The following DHX29 variants were observed in gnomAD, a reference collection of about 807,000 sequenced individuals.
The protein encoded by DHX29 is DExH-box helicase 29.
A neutral mutation model predicts 167.9 loss-of-function variants in DHX29; 79 were observed. The ratio of observed to expected loss-of-function variants is 0.47; its 90% CI spans 0.39 to 0.57. The LOEUF (loss-of-function observed/expected upper bound fraction) is 0.57, where lower values mean the gene tolerates loss of function less well. Among genes scored for constraint, DHX29 ranks in the 20% least tolerant of loss-of-function variants. The pLI is 0.00. For missense variants in DHX29, 1,347 were observed against 1,593.4 expected (o/e 0.85, Z 2.63); for synonymous variants, 530 against 546.0 (o/e 0.97, Z 0.41).
chr5:55,277,648 G>T (rs774181900), intron 12 of DHX29, among the ~76,000 whole-genome samples: 9 of 152,116 alleles, frequency 5.9e-5, no homozygotes, highest in Non-Finnish European at 1.3e-4. Context: ...GCTCATACTT[G>T]TAATCCTAGC....
In DHX29 at chr5:55,262,887, A is replaced by G. The variant is rs1221673308; in HGVS notation, c.3571T>C (p.Ser1191Pro). ...LIKLVKAAGF[S>P]SSTTSTSWEG... is the part of the protein sequence containing the mutation. The stretch of plus-strand genomic sequence containing the variant: ...CAGCTGGTAGAAGTTGTGGAAGATG[A>G]AAATCCTGCTGCCTTAACCAACTTT... Residue 1191 changes from serine (S) to proline (P), a missense_variant, in exon 24 of 27, where the codon TCA becomes CCA. Physicochemically the swap from Ser to Pro is moderately conservative, Grantham distance 74 (BLOSUM62 -1). Coordinates refer to ENST00000251636, the MANE Select transcript of DHX29 (RefSeq NM_019030.4). 4.3e-6 allele frequency: 7 copies of G among 1,614,064 alleles called. No homozygotes were observed. In the South Asian group the frequency reaches 4.4e-5, roughly 10 times the overall value.
chr5:55,266,770 C>G (rs2111809870), intron 23 of DHX29, among the ~76,000 whole-genome samples: 1 of 152,028 alleles, frequency 6.6e-6, no homozygotes, highest in South Asian at 2.1e-4. Flanking sequence ...CGTGTGCTAC[C>G]ATGCCCATTT....
chr5:55,274,521 A>C (rs922278105), intron 16 of DHX29, 93 bp downstream of exon 16: 1 of 933,840 alleles, frequency 1.1e-6, no homozygotes, highest in Non-Finnish European at 1.6e-6. Flanking sequence ...ACCCATGGTG[A>C]AAAGACTTTG....
intron 16 of DHX29, among the ~76,000 whole-genome samples, chr5:55,274,349 G>A (rs1380166370): frequency 1.3e-5 from 2 of 152,032 alleles, no homozygotes; most frequent in Admixed American, 1.3e-4. Flanking sequence ...AGGTGCAATC[G>A]TGCCACTACA....
chr5:55,293,628 C>A (rs1192177378), intron 6 of DHX29, among the ~76,000 whole-genome samples: 1 of 152,002 alleles, frequency 6.6e-6, no homozygotes, highest in Admixed American at 6.6e-5. Context: ...ATTTCCCATA[C>A]CTTGCTTTTT....
Position 55,262,695 on chromosome 5 carries a change from G to C in DHX29, c.3763C>G (p.Gln1255Glu). ...CGATTTACTGAGGATGGGTGTACTT[G>C]TGCTTTGCCTTGGGCCGTCTCCACA... The part of the protein sequence containing the change: ...CIVETAQGKA[Q>E]VHPSSVNRDL... Residue 1255 changes from glutamine to glutamate, a missense_variant, in exon 24 of 27, where the codon CAA (glutamine) becomes GAA (glutamate). Physicochemically the swap from Gln to Glu is conservative, Grantham distance 29. Around this residue, in one of 3 missense-constraint regions of DHX29, gnomAD observed 882 missense variants for 1,082.4 expected, o/e 0.81. Coordinates refer to ENST00000251636, the MANE Select transcript of DHX29 (RefSeq NM_019030.4). 3 of 1,614,074 alleles carry C rather than the reference G, an allele frequency of 1.9e-6. No individual in the cohort carries two copies. The highest frequency in any genetic ancestry group is 2.5e-6 in the Non-Finnish European group (3 of 1,179,982).
At chr5:55,264,689 A>G (rs1383103065) in intron 23 of DHX29, among the ~76,000 whole-genome samples, 1 of 152,212 alleles carries the variant, frequency 6.6e-6, no homozygotes, top group Non-Finnish European at 1.5e-5. Context: ...GTAGAGAACT[A>G]AAACACATCA....
At chr5:55,303,171 T>G (rs1748692584) in intron 1 of DHX29, among the ~76,000 whole-genome samples, 1 of 152,068 alleles carries the variant, frequency 6.6e-6, no homozygotes, top group African/African-American at 2.4e-5. Flanking sequence ...TTTTGCTACA[T>G]ATTCTTTTTA....
At chr5:55,264,614 G>A (rs989020556) in intron 23 of DHX29, among the ~76,000 whole-genome samples, 1 of 152,192 alleles carries the variant, frequency 6.6e-6, no homozygotes, top group Non-Finnish European at 1.5e-5. Context: ...GGACTCAGCA[G>A]CCAACCCAAA....
intron 26 of DHX29, among the ~76,000 whole-genome samples, chr5:55,259,519 A>C (rs571656096): frequency 7.9e-5 from 12 of 152,118 alleles, no homozygotes; most frequent in Admixed American, 3.3e-4. Context: ...CAATCATGTG[A>C]TCTTGGCGCT....
At chr5:55,296,444 C>T in intron 3 of DHX29, 95 bp from the exon 4 acceptor site, 1 of 1,367,984 alleles carries the variant, frequency 7.3e-7, no homozygotes, top group Non-Finnish European at 9.6e-7. Flanking sequence ...AACTTTGACA[C>T]AAATTATAAT....
At chr5:55,287,988 C>T (rs889917358) in intron 8 of DHX29, among the ~76,000 whole-genome samples, 5 of 149,328 alleles carry the variant, frequency 3.3e-5, no homozygotes, top group South Asian at 2.1e-4. Context: ...CAGTGGCTCA[C>T]GCCTGTAATC....
rs776184661 is a variant in DHX29, at chr5:55,261,355, TTGTACTA to T, written c.3960+6_3960+12del. 6 of 1,496,840 alleles carry T rather than the reference TTGTACTA, an allele frequency of 4.0e-6. No homozygotes were observed. The highest frequency in any genetic ancestry group is 5.5e-6 in the Non-Finnish European group (6 of 1,094,044). 92.7% of individuals were successfully genotyped at this position (1,496,840 alleles called of 1,614,324 possible). A position where few individuals can be genotyped will look rare whatever the true frequency, so the allele number is the denominator to read the frequency against. Reference sequence around the variant, plus strand: ...AATTTTTAATAATCAATAAAATCAGTTGTACTATGTACCTGAAAATAGATCCAGCCAT... The same window carrying T: ...AATTTTTAATAATCAATAAAATCAGTTGTACCTGAAAATAGATCCAGCCAT... On this transcript the variant is annotated splice_donor_region_variant and intron_variant, in intron 25 of 26. Transcript: ENST00000251636.
rs1192551343 is a variant in DHX29 at position 55,283,446 on chromosome 5, T to C, written c.1722A>G (p.Val574=). The part of the protein sequence containing the change: ...KLLKERQQLP[V]FKHRDSIVET... Reference sequence around the variant, plus strand: ...CAACAATTGAGTCCCGATGTTTAAATACAGGTAGCTGTTGTCTTTCCTTTA... The same window carrying C: ...CAACAATTGAGTCCCGATGTTTAAACACAGGTAGCTGTTGTCTTTCCTTTA... Residue 574 remains valine, a synonymous_variant, in exon 11 of 27, where the codon GTA becomes GTG. Transcript: ENST00000251636. 6 of 1,614,220 alleles carry C rather than the reference T, an allele frequency of 3.7e-6. No individual in the cohort carries two copies. Among genetic ancestry groups the C allele is most frequent in the Non-Finnish European group, 5.1e-6 (6 of 1,180,030 alleles).
At chr5:55,269,378 T>C (rs758196802) in intron 21 of DHX29, 35 bp downstream of exon 21, 1 of 1,597,914 alleles carries the variant, frequency 6.3e-7, no homozygotes, top group Admixed American at 1.7e-5. Context: ...CAAAGGATAT[T>C]TAAAGTAAAG....
intron 20 of DHX29, among the ~76,000 whole-genome samples, 160 bp from the exon 21 acceptor site, chr5:55,269,797 G>A (rs1197420459): frequency 6.6e-6 from 1 of 151,818 alleles, no homozygotes; most frequent in Non-Finnish European, 1.5e-5. Context: ...AATGGGGGTA[G>A]AGGAGTTGGG....
At chr5:55,260,497 C>T (rs919458656) in intron 25 of DHX29, among the ~76,000 whole-genome samples, 1 of 152,254 alleles carries the variant, frequency 6.6e-6, no homozygotes, top group African/African-American at 2.4e-5. Context: ...TCCCAAAGTG[C>T]TGGGATTACA....
chr5:55,273,795 G>A (rs1326742167), intron 16 of DHX29, among the ~76,000 whole-genome samples: 3 of 152,080 alleles, frequency 2.0e-5, no homozygotes, highest in African/African-American at 7.2e-5. Context: ...ATCTTAAGAA[G>A]ATGAAGGCTG....
At chr5:55,264,842 G>C (rs1746475990) in intron 23 of DHX29, among the ~76,000 whole-genome samples, 1 of 152,104 alleles carries the variant, frequency 6.6e-6, no homozygotes, top group African/African-American at 2.4e-5. Flanking sequence ...TTCTTGTATA[G>C]ACTGTACCTC....
Sources: gnomAD v4.1 joint callset for allele counts (sites outside exome capture counted in the v4.1 genomes callset) on GRCh38, gnomAD v4.1.1 for gene constraint, gnomAD v4.1.1 regional missense constraint, MANE v1.5 for transcripts, NCBI Gene and HGNC (gene_info 2026-07-23, HGNC 2026-07-21) for gene names.